Variants in SEC24C observed in about 807,000 individuals in gnomAD.
The protein encoded by SEC24C is SEC24 homolog C, COPII component.
In SEC24C, 22 loss-of-function variants were observed where a neutral mutation model predicts 117.0. The observed-to-expected ratio is 0.19, with a 90% CI of 0.13 to 0.27. The LOEUF (loss-of-function observed/expected upper bound fraction) is 0.27, where lower values mean the gene tolerates loss of function less well. Among genes scored for constraint, SEC24C ranks in the 10% least tolerant of loss-of-function variants. The pLI is 1.00. For missense variants in SEC24C, 1,155 were observed against 1,375.1 expected (o/e 0.84, Z 2.53); for synonymous variants, 506 against 529.4 (o/e 0.96, Z 0.61).
rs1272260240 is a variant in SEC24C, at chr10:73,762,054, C to T, written c.987+1205C>T. The T allele has an allele frequency of 1.4e-5, 18 of 1,243,730 alleles. 1 individual carries two copies. The Admixed American group carries it at 3.9e-4, about 27-fold the overall frequency. The allele number at this position is 1,243,730 out of a possible 1,614,324, so 77.0% of individuals were successfully genotyped here. A position where few individuals can be genotyped will look rare whatever the true frequency, so the allele number is the denominator to read the frequency against. Reference sequence around the variant, plus strand: ...ATCTGCCTCTTGTTCTTTTGTCTCCCTCCTTGTATTCCCCTGCTGCATTTA... The same window carrying T: ...ATCTGCCTCTTGTTCTTTTGTCTCCTTCCTTGTATTCCCCTGCTGCATTTA... On this transcript the variant is annotated intron_variant, in intron 6 of 22. Transcript: ENST00000345254.
At chr10:73,761,724 A>T (rs953501728) in intron 6 of SEC24C, among the ~76,000 whole-genome samples, 1 of 152,136 alleles carries the variant, frequency 6.6e-6, no homozygotes, top group African/African-American at 2.4e-5. Flanking sequence ...CTGGTTGGAC[A>T]TGAAGGGAGG....
chr10:73,769,333 C>T lies in SEC24C; in HGVS notation c.2425-14C>T, dbSNP rs751555884. 3 of 1,613,268 alleles carry T rather than the reference C, an allele frequency of 1.9e-6. No homozygotes were observed. The South Asian group carries it at 3.3e-5, about 18-fold the overall frequency. ...AGGGAGGGGTGTGAGTTCCCCCTTT[C>T]TCCTTTCCCCTAGTGTGCCCTGCTT... On this transcript the variant is annotated splice_polypyrimidine_tract_variant and intron_variant, in intron 17 of 22. Coordinates refer to ENST00000345254, the MANE Select transcript of SEC24C (RefSeq NM_198597.3). The surrounding 1 kb of genome is among the most constrained non-coding windows in gnomAD (Gnocchi z 4.5).
intron 8 of SEC24C, 41 bp downstream of exon 8, chr10:73,764,024 AG>A: frequency 6.5e-7 from 1 of 1,546,998 alleles, no homozygotes; most frequent in Non-Finnish European, 8.7e-7. Context: ...AAAGGGAGGG[AG>A]GTAGAGAGGG....
intron 3 of SEC24C, among the ~76,000 whole-genome samples, chr10:73,753,910 T>C (rs932615467): frequency 3.3e-5 from 5 of 152,216 alleles, no homozygotes; most frequent in African/African-American, 4.8e-5. Flanking sequence ...CAGGACGGCT[T>C]TGAATGTGGT....
At chr10:73,770,602 A>C (rs1221005565) in intron 21 of SEC24C, 107 bp from the exon 22 acceptor site, 7 of 1,506,010 alleles carry the variant, frequency 4.6e-6, no homozygotes, top group Non-Finnish European at 6.5e-6. Flanking sequence ...AGTTGCTGTC[A>C]TTCTTCCCAG....
chr10:73,751,050 C>A, intron 2 of SEC24C, 58 bp from the exon 3 acceptor site: 1 of 1,570,840 alleles, frequency 6.4e-7, no homozygotes, highest in Non-Finnish European at 8.7e-7. Context: ...GCATTCCTGG[C>A]TCAGGGTGGA....
intron 3 of SEC24C, among the ~76,000 whole-genome samples, chr10:73,753,767 A>C (rs2082674243): frequency 6.6e-6 from 1 of 152,120 alleles, no homozygotes; most frequent in African/African-American, 2.4e-5. Flanking sequence ...TATAAGCTCC[A>C]CCTCTGTCTT....
At chr10:73,766,310 A>G (rs765292106) in intron 11 of SEC24C, 40 bp from the exon 12 acceptor site, 1 of 1,580,232 alleles carries the variant, frequency 6.3e-7, no homozygotes, top group South Asian at 1.2e-5. Context: ...TGGGTGGTGG[A>G]AAAGGTGGCA....
chr10:73,746,349 T>G (rs960987131), intron 1 of SEC24C, among the ~76,000 whole-genome samples: 1 of 152,214 alleles, frequency 6.6e-6, no homozygotes, highest in Non-Finnish European at 1.5e-5. Context: ...TTAGCCTGAT[T>G]GATTTTAAAT....
chr10:73,770,950 C>T lies in SEC24C; in HGVS notation c.3145-5C>T, dbSNP rs2082971327. On this transcript the variant is annotated splice_polypyrimidine_tract_variant and splice_region_variant and intron_variant, in intron 22 of 22. Coordinates refer to ENST00000345254, the MANE Select transcript of SEC24C (RefSeq NM_198597.3). Reference sequence around the variant, plus strand: ...TGCCTTATGAACCCTGAATTCTGGCCGTAGCTTACCGTGGTGAAACAGGAA... The same window carrying T: ...TGCCTTATGAACCCTGAATTCTGGCTGTAGCTTACCGTGGTGAAACAGGAA... 9.9e-6 allele frequency: 16 copies of T among 1,614,068 alleles called. No individual in the cohort carries two copies. The highest frequency in any genetic ancestry group is 1.4e-5 in the Non-Finnish European group (16 of 1,180,018).
rs1319756853 is a variant in SEC24C at position 73,771,560 on chromosome 10, C to A, written c.*465C>A. ...GGTGCACAAGAGCTGGGGTATAGCC[C>A]ATAGGTGGTGGAGAGAAAAGTGGTC... On this transcript the variant is annotated 3_prime_UTR_variant, in exon 23 of 23. Coordinates refer to ENST00000345254, the MANE Select transcript of SEC24C (RefSeq NM_198597.3). The A allele has an allele frequency of 6.2e-6, 1 of 161,800 alleles. No individual in the cohort carries two copies. Among genetic ancestry groups the A allele is most frequent in the Non-Finnish European group, 1.4e-5 (1 of 73,610 alleles). The allele number at this position is 161,800 out of a possible 1,614,324, so 10.0% of individuals were successfully genotyped here. A position where few individuals can be genotyped will look rare whatever the true frequency, so the allele number is the denominator to read the frequency against.
Position 73,769,561 on chromosome 10 carries a change from G to A in SEC24C, c.2564-54G>A. 1 of 1,612,638 alleles carries A rather than the reference G, an allele frequency of 6.2e-7. No homozygotes were observed. The highest frequency in any genetic ancestry group is 8.5e-7 in the Non-Finnish European group (1 of 1,178,790). Reference sequence around the variant, plus strand: ...GGTGAGTGGGTAGTTGTGATGGTGGGAATGCACACATGATGGGCAGCTGAC... The same window carrying A: ...GGTGAGTGGGTAGTTGTGATGGTGGAAATGCACACATGATGGGCAGCTGAC... On this transcript the variant is annotated intron_variant, in intron 18 of 22. Coordinates refer to ENST00000345254, the MANE Select transcript of SEC24C (RefSeq NM_198597.3). This position sits in a 1 kb window ranked among gnomAD's most constrained non-coding sequence, Gnocchi z 4.5.
chr10:73,766,656 G>A (rs2082888660), intron 12 of SEC24C, 104 bp from the exon 13 acceptor site: 1 of 1,435,854 alleles, frequency 7.0e-7, no homozygotes, highest in Non-Finnish European at 9.7e-7. Context: ...TGGCCCAGGA[G>A]TTGTCAGATT....
At chr10:73,751,865 T>C (rs2082646833) in intron 3 of SEC24C, 2 of 152,244 alleles carry the variant, frequency 1.3e-5, no homozygotes, top group Non-Finnish European at 2.9e-5. Context: ...CTGTTGAGAC[T>C]ACCCTAAGGG....
At chr10:73,755,403 C>T (rs948669641) in intron 3 of SEC24C, among the ~76,000 whole-genome samples, 4 of 151,660 alleles carry the variant, frequency 2.6e-5, no homozygotes, top group Non-Finnish European at 4.4e-5. Context: ...TCAGGCCAGG[C>T]GCGGTGGCTC....
At chr10:73,766,312 A>G (rs2082882915) in intron 11 of SEC24C, 38 bp from the exon 12 acceptor site, 1 of 1,582,152 alleles carries the variant, frequency 6.3e-7, no homozygotes, top group Non-Finnish European at 8.6e-7. Flanking sequence ...GGTGGTGGAA[A>G]AGGTGGCAAG....
At chr10:73,767,437 G>C (rs1055031461) in intron 14 of SEC24C, among the ~76,000 whole-genome samples, 4 of 152,192 alleles carry the variant, frequency 2.6e-5, no homozygotes, top group Admixed American at 6.5e-5. Flanking sequence ...GGGAGGCCAA[G>C]GCGGGCAGAT....
intron 3 of SEC24C, among the ~76,000 whole-genome samples, chr10:73,754,989 C>T (rs542711375): frequency 1.3e-5 from 2 of 151,920 alleles, no homozygotes; most frequent in African/African-American, 2.4e-5. Context: ...TAAAATTAGC[C>T]GGGTGTGGTG....
At chr10:73,770,857 G>T in intron 22 of SEC24C, 59 bp downstream of exon 22, 1 of 1,610,858 alleles carries the variant, frequency 6.2e-7, no homozygotes, top group Admixed American at 1.7e-5. Flanking sequence ...TAGAAGTGGG[G>T]GTTGGGTGGG....
Sources: allele counts gnomAD v4.1 joint callset (sites outside exome capture counted in the v4.1 genomes callset), GRCh38; gene constraint gnomAD v4.1.1; non-coding constraint Gnocchi (gnomAD v3.1); transcripts MANE v1.5; gene names NCBI Gene and HGNC (gene_info 2026-07-23, HGNC 2026-07-21).